The following NXN variants were observed in gnomAD, a reference collection of about 807,000 sequenced individuals.
NXN encodes the protein nucleoredoxin.
In NXN, 16 loss-of-function variants were observed where a neutral mutation model predicts 48.6. That is an observed-to-expected ratio of 0.33 (90% CI 0.22 to 0.50). The LOEUF (loss-of-function observed/expected upper bound fraction) is 0.50, where lower values mean the gene tolerates loss of function less well. NXN is among the 20% of genes least tolerant of loss of function. The pLI is 0.98. For synonymous variants in NXN, 281 were observed against 269.6 expected (o/e 1.04, Z -0.41); for missense variants, 492 against 605.5 (o/e 0.81, Z 1.97).
At chr17:863,842 C>T in intron 1 of NXN, 2 of 877,962 alleles carry the variant, frequency 2.3e-6, no homozygotes, top group Non-Finnish European at 3.5e-6. Flanking sequence ...CCACGTCATT[C>T]AAGGATCAAC....
In NXN at chr17:917,692, C is replaced by T. The variant is rs1246016705; in HGVS notation, c.360+61627G>A. Among the ~76,000 whole-genome samples, 1 of 152,230 alleles carries T rather than the reference C, an allele frequency of 6.6e-6. No individual in the cohort carries two copies. The highest frequency in any genetic ancestry group is 2.4e-5 in the African/African-American group (1 of 41,468). The stretch of plus-strand genomic sequence containing the variant: ...CACCCGCTGCAGGCGAGCTTCCCTA[C>T]CCAATCCGACCTCCTAGACGGACAC... On this transcript the variant is annotated intron_variant, in intron 1 of 7. Coordinates refer to ENST00000336868, the MANE Select transcript of NXN (RefSeq NM_022463.5). This position sits in a 1 kb window ranked among gnomAD's most constrained non-coding sequence, Gnocchi z 4.5.
chr17:928,758 C>T (rs1309225392), intron 1 of NXN, among the ~76,000 whole-genome samples: 2 of 152,090 alleles, frequency 1.3e-5, no homozygotes, highest in Non-Finnish European at 2.9e-5. Context: ...ATCGCTTGAA[C>T]CCGGGAGGCG....
At chr17:893,395 C>T (rs763328455) in intron 1 of NXN, among the ~76,000 whole-genome samples, 5 of 152,242 alleles carry the variant, frequency 3.3e-5, no homozygotes, top group Non-Finnish European at 7.3e-5. Flanking sequence ...AAGACAGCAC[C>T]TTGGTTGCTA....
intron 1 of NXN, among the ~76,000 whole-genome samples, chr17:891,089 G>A (rs942495721): frequency 5.8e-5 from 7 of 120,956 alleles, no homozygotes; most frequent in Non-Finnish European, 1.2e-4. Context: ...CCGTCCATCC[G>A]TCCGTCCATC....
At chr17:848,656 G>A (rs912010610) in intron 1 of NXN, among the ~76,000 whole-genome samples, 4 of 152,184 alleles carry the variant, frequency 2.6e-5, no homozygotes, top group African/African-American at 9.7e-5. Flanking sequence ...TCCAAACAGC[G>A]AACTCAAAGG....
chr17:808,264 C>T (rs1375986728), intron 5 of NXN, among the ~76,000 whole-genome samples: 1 of 151,994 alleles, frequency 6.6e-6, no homozygotes, highest in African/African-American at 2.4e-5. Context: ...TCACACACGC[C>T]CTGTTCCCCC....
At chr17:836,032 CA>C (rs1347338426) in intron 1 of NXN, among the ~76,000 whole-genome samples, 4,183 of 94,468 alleles carry the variant, frequency 0.044, 663 homozygotes, top group East Asian at 0.13. Context: ...ACAGAGGCCG[CA>C]GGGGAAAAAC....
chr17:886,736 C>T (rs977014406), intron 1 of NXN, among the ~76,000 whole-genome samples: 1 of 151,230 alleles, frequency 6.6e-6, no homozygotes, highest in Non-Finnish European at 1.5e-5. Context: ...TGAGATCGTG[C>T]CACTGCACTC....
At chr17:879,189 G>A (rs546934887) in intron 1 of NXN, among the ~76,000 whole-genome samples, 1 of 152,060 alleles carries the variant, frequency 6.6e-6, no homozygotes, top group Non-Finnish European at 1.5e-5. Context: ...AGTAGACAGA[G>A]AGGGAAGGAG....
chr17:833,773 T>G (rs1463332569), intron 1 of NXN, among the ~76,000 whole-genome samples: 1 of 152,162 alleles, frequency 6.6e-6, no homozygotes, highest in South Asian at 2.1e-4. Flanking sequence ...TTGACCTTGA[T>G]TCAACTGAGA....
chr17:876,905 G>A (rs187754643), intron 1 of NXN, among the ~76,000 whole-genome samples: 55 of 152,004 alleles, frequency 3.6e-4, no homozygotes, highest in African/African-American at 1.2e-3. Context: ...AAAATTAGCC[G>A]GGTATGGTGG....
chr17:939,208 A>T lies in NXN; in HGVS notation c.360+40111T>A, dbSNP rs571842530. 5.9e-5 allele frequency among the ~76,000 whole-genome samples: 9 copies of T among 152,360 alleles called. No individual in the cohort carries two copies. The South Asian group carries it at 1.7e-3, about 28-fold the overall frequency. ...AAGAATATAAAAACAAGTTTATAAC[A>T]GCGCTGGTTATTCCAGCAAAATCTG... On this transcript the variant is annotated intron_variant, in intron 1 of 7. Coordinates refer to ENST00000336868, the MANE Select transcript of NXN (RefSeq NM_022463.5).
intron 6 of NXN, 192 bp from the exon 7 acceptor site, chr17:803,998 G>C (rs1247672976): frequency 8.9e-6 from 6 of 671,452 alleles, no homozygotes. Flanking sequence ...CGTCCCAGCA[G>C]CAAAGCTCAC....
chr17:967,739 A>C (rs1166359559), intron 1 of NXN, among the ~76,000 whole-genome samples: 7 of 152,236 alleles, frequency 4.6e-5, no homozygotes, highest in African/African-American at 1.7e-4. Flanking sequence ...TGGGAGGCCG[A>C]GGCAGGTGGA....
rs1427605019 is a variant in NXN at position 812,430 on chromosome 17, GAAAC to G, written c.820+7005_820+7008del. Among the ~76,000 whole-genome samples the G allele has an allele frequency of 3.9e-5, 6 of 152,198 alleles. No homozygotes were observed. The East Asian group carries it at 7.7e-4, about 20-fold the overall frequency. ...TTTATACAAGCTCTTCAGCGGGAGAGAAACAAGTGAGATGGGACTGAGACCCCAG... is the reference window on the plus strand; with the variant it reads ...TTTATACAAGCTCTTCAGCGGGAGAGAAGTGAGATGGGACTGAGACCCCAG... On this transcript the variant is annotated intron_variant, in intron 5 of 7. Coordinates refer to ENST00000336868, the MANE Select transcript of NXN (RefSeq NM_022463.5).
At chr17:951,833 CG>C (rs2031615481) in intron 1 of NXN, among the ~76,000 whole-genome samples, 1 of 152,062 alleles carries the variant, frequency 6.6e-6, no homozygotes, top group Admixed American at 6.5e-5. Context: ...GCAGAGAGGA[CG>C]GGAGGCAGGA....
At chr17:843,006 G>GAGAAAGAGAGAAAGAAAGAA (rs1555613117) in intron 1 of NXN, among the ~76,000 whole-genome samples, 185 of 95,980 alleles carry the variant, frequency 1.9e-3, no homozygotes, top group Non-Finnish European at 2.4e-3. Flanking sequence ...GAGAGAAAGA[G>GAGAAAGAGAGAAAGAAAGAA]AGAAAGAAAG....
At chr17:954,427 TTCTC>T (rs1567517596) in intron 1 of NXN, among the ~76,000 whole-genome samples, 1 of 152,208 alleles carries the variant, frequency 6.6e-6, no homozygotes, top group African/African-American at 2.4e-5. Context: ...GATACCTAAA[TTCTC>T]TCTCGAGTCA....
intron 1 of NXN, among the ~76,000 whole-genome samples, chr17:874,146 G>C (rs755598796): frequency 6.6e-6 from 1 of 152,100 alleles, no homozygotes; most frequent in Non-Finnish European, 1.5e-5. Flanking sequence ...GTTTTATAAG[G>C]GACTCGTCCC....
Sources: gnomAD v4.1 joint callset for allele counts (sites outside exome capture counted in the v4.1 genomes callset) on GRCh38, gnomAD v4.1.1 for gene constraint, Gnocchi (gnomAD v3.1) non-coding constraint, MANE v1.5 for transcripts, NCBI Gene and HGNC (gene_info 2026-07-23, HGNC 2026-07-21) for gene names.